Variants in PXDNL observed in about 807,000 individuals in gnomAD.
The protein encoded by PXDNL is peroxidasin like, also known as probable oxidoreductase PXDNL.
A neutral mutation model predicts 150.8 loss-of-function variants in PXDNL; 145 were observed. That is an observed-to-expected ratio of 0.96 (90% CI 0.84 to 1.10). The LOEUF is 1.10. Among genes scored for constraint, PXDNL ranks in the 50% least tolerant of loss-of-function variants. The probability of loss-of-function intolerance (pLI) is 0.00; values close to 1 mark genes in which losing one functional copy is unlikely to be tolerated. For missense variants in PXDNL, 2,087 were observed against 1,873.9 expected (o/e 1.11, Z -2.10); for synonymous variants, 757 against 725.7 (o/e 1.04, Z -0.69).
intron 6 of PXDNL, among the ~76,000 whole-genome samples, chr8:51,482,753 G>T (rs1320098912): frequency 6.6e-6 from 1 of 152,114 alleles, no homozygotes; most frequent in Non-Finnish European, 1.5e-5. Context: ...ACATTCCTTT[G>T]CTCTCTCTTC....
At chr8:51,512,548 G>A (rs957508860) in intron 4 of PXDNL, among the ~76,000 whole-genome samples, 1 of 152,122 alleles carries the variant, frequency 6.6e-6, no homozygotes, top group Non-Finnish European at 1.5e-5. Flanking sequence ...TTTGTTTAAG[G>A]GGTCTTTACC....
At chr8:51,747,505 T>C (rs2036998121) in intron 1 of PXDNL, among the ~76,000 whole-genome samples, 1 of 152,186 alleles carries the variant, frequency 6.6e-6, no homozygotes, top group African/African-American at 2.4e-5. Flanking sequence ...ATGTGGCATG[T>C]TTAATGTGGC....
intron 17 of PXDNL, among the ~76,000 whole-genome samples, chr8:51,403,905 G>C (rs1219941900): frequency 6.6e-6 from 1 of 152,218 alleles, no homozygotes; most frequent in Non-Finnish European, 1.5e-5. Flanking sequence ...AAGGTGGTGT[G>C]TCCGGAGTTT....
intron 8 of PXDNL, 99 bp from the exon 9 acceptor site, chr8:51,457,766 T>C (rs28719126): frequency 0.13 from 98,982 of 749,052 alleles, 7,594 homozygotes; most frequent in African/African-American, 0.24. Context: ...ATGTTTCATG[T>C]CTACCAAATT....
intron 14 of PXDNL, among the ~76,000 whole-genome samples, chr8:51,418,277 C>A (rs1808853917): frequency 6.6e-6 from 1 of 152,050 alleles, no homozygotes; most frequent in South Asian, 2.1e-4. Flanking sequence ...AAAAGCTTGG[C>A]AAGATAGCAA....
chr8:51,436,403 A>G (rs7005375), intron 12 of PXDNL: 61,063 of 408,170 alleles, frequency 0.15, 4,924 homozygotes, highest in African/African-American at 0.22. Context: ...ATGCATTGCC[A>G]TGTCATAAGA....
At chr8:51,411,946 C>T (rs1194900612) in intron 15 of PXDNL, among the ~76,000 whole-genome samples, 1 of 152,128 alleles carries the variant, frequency 6.6e-6, no homozygotes, top group Non-Finnish European at 1.5e-5. Flanking sequence ...GTCTTATATA[C>T]TCAGTAAAAT....
chr8:51,688,698 C>A (rs111762880), intron 1 of PXDNL, among the ~76,000 whole-genome samples: 1 of 152,176 alleles, frequency 6.6e-6, no homozygotes, highest in African/African-American at 2.4e-5. Flanking sequence ...CATATCTGTA[C>A]AGTCACTACT....
chr8:51,554,821 C>A (rs1431953117), intron 4 of PXDNL, among the ~76,000 whole-genome samples: 1 of 152,088 alleles, frequency 6.6e-6, no homozygotes, highest in Non-Finnish European at 1.5e-5. Flanking sequence ...ATCATAGCTA[C>A]TTAAGCAACC....
At chr8:51,747,693 A>G (rs975793202) in intron 1 of PXDNL, among the ~76,000 whole-genome samples, 5 of 152,222 alleles carry the variant, frequency 3.3e-5, no homozygotes, top group Non-Finnish European at 7.3e-5. Context: ...ACACCTTGAC[A>G]CGAGTTCAAG....
At chr8:51,725,730 T>C (rs1397241608) in intron 1 of PXDNL, among the ~76,000 whole-genome samples, 2 of 152,218 alleles carry the variant, frequency 1.3e-5, no homozygotes, top group African/African-American at 4.8e-5. Context: ...AACATTTTGA[T>C]TGGGGATAGA....
rs764499438 is a variant in PXDNL at position 51,382,824 on chromosome 8, GA to G, written c.3558-8094del. Among the ~76,000 whole-genome samples the G allele has an allele frequency of 6.6e-5, 10 of 152,192 alleles. No individual in the cohort carries two copies. In the South Asian group the frequency reaches 1.2e-3, roughly 19 times the overall value. On this transcript the variant is annotated intron_variant, in intron 17 of 22. Transcript: ENST00000356297. ...TATGTCTATGAACTATAAGAGTCCA[GA>G]AAAAAATAGTACTTAGAAGTTTTAG...
intron 18 of PXDNL, among the ~76,000 whole-genome samples, chr8:51,373,071 T>C (rs543239167): frequency 6.6e-6 from 1 of 152,344 alleles, no homozygotes; most frequent in Admixed American, 6.5e-5. Flanking sequence ...AATGTATATG[T>C]TGAAGTCCTA....
chr8:51,769,553 T>G (rs1257791064), intron 1 of PXDNL, among the ~76,000 whole-genome samples: 1 of 152,228 alleles, frequency 6.6e-6, no homozygotes, highest in Non-Finnish European at 1.5e-5. Flanking sequence ...GTTTCTGATT[T>G]GTCATTCTTC....
chr8:51,323,825 A>T (rs922604368), intron 21 of PXDNL, among the ~76,000 whole-genome samples: 3 of 151,962 alleles, frequency 2.0e-5, no homozygotes, highest in Non-Finnish European at 4.4e-5. Context: ...CTGAGGCAGG[A>T]TAATCATTTG....
intron 19 of PXDNL, among the ~76,000 whole-genome samples, chr8:51,371,440 T>A (rs1807110647): frequency 6.6e-6 from 1 of 152,230 alleles, no homozygotes; most frequent in African/African-American, 2.4e-5. Context: ...TATCAAAATT[T>A]CCTTGTACTT....
intron 1 of PXDNL, among the ~76,000 whole-genome samples, chr8:51,750,625 T>A (rs947469039): frequency 6.6e-6 from 1 of 152,228 alleles, no homozygotes; most frequent in African/African-American, 2.4e-5. Flanking sequence ...GATAACATTT[T>A]AAGCAAGGGC....
intron 2 of PXDNL, among the ~76,000 whole-genome samples, chr8:51,624,983 A>C (rs1441295206): frequency 6.6e-6 from 1 of 152,128 alleles, no homozygotes; most frequent in Non-Finnish European, 1.5e-5. Flanking sequence ...AAATAATTTA[A>C]AATTTTTTAT....
At chr8:51,641,149 C>G (rs970917304) in intron 2 of PXDNL, among the ~76,000 whole-genome samples, 10 of 150,698 alleles carry the variant, frequency 6.6e-5, no homozygotes, top group Admixed American at 2.0e-4. Flanking sequence ...ACTGGCTAGC[C>G]ATATGTAGAA....
Sources: gnomAD v4.1 joint callset for allele counts (sites outside exome capture counted in the v4.1 genomes callset) on GRCh38, gnomAD v4.1.1 for gene constraint, MANE v1.5 for transcripts, NCBI Gene and HGNC (gene_info 2026-07-23, HGNC 2026-07-21) for gene names.